Variants in GSG1L2 observed in about 807,000 individuals in gnomAD.
GSG1L2 encodes the protein GSG1 like 2, also known as germ cell-specific gene 1-like protein 2.
In GSG1L2, 15 loss-of-function variants were observed where a neutral mutation model predicts 9.0. The observed-to-expected ratio is 1.67, with a 90% CI of 1.12 to 2.57. The LOEUF (loss-of-function observed/expected upper bound fraction) is 2.57. GSG1L2 is among the 30% of genes most tolerant of loss of function. GSG1L2 has a pLI of 0.00. For missense variants in GSG1L2, 286 were observed against 150.3 expected, an observed-to-expected ratio of 1.90 and a Z score of -4.72; for synonymous variants, 127 against 57.9, an observed-to-expected ratio of 2.19 and a Z score of -5.41.
At position 9,809,158 on chromosome 17, in the gene GSG1L2, G is replaced by A. The variant is rs148723795; in HGVS notation, c.359-176C>T. The A allele has an allele frequency of 1.8e-3, 1,070 of 597,128 alleles. 2 individuals carry two copies. Among genetic ancestry groups the A allele is most frequent in the Middle Eastern group, 5.3e-3 (14 of 2,662 alleles). 37.0% of individuals were successfully genotyped at this position (597,128 alleles called of 1,614,324 possible). On this transcript the variant is annotated intron_variant, in intron 2 of 4. Coordinates refer to ENST00000399363, the MANE Select transcript of GSG1L2 (RefSeq NM_001310219.2). ...TGGCAATGGAAAGGCACTCCTCAGG[G>A]CTGAAAGAGACGGTTGTAGGGATTG...
At chr17:9,816,865 T>C (rs1225197519) in intron 1 of GSG1L2, among the ~76,000 whole-genome samples, 4 of 147,272 alleles carry the variant, frequency 2.7e-5, no homozygotes. Flanking sequence ...TCTGTATGTG[T>C]GTGTCTGTGT....
intron 2 of GSG1L2, chr17:9,809,492 G>A (rs1057073863): frequency 1.3e-5 from 2 of 157,314 alleles, no homozygotes; most frequent in African/African-American, 2.4e-5. Flanking sequence ...GGCTGTGGCG[G>A]GCTGGGGTGG....
Position 9,808,996 on chromosome 17 carries a change from G to T in GSG1L2, c.359-14C>A. Reference sequence around the variant, plus strand: ...GCCACAAAACACCTGCCAAAGAACGGGATGTTGGAAACGCTGGACACTTCT... The same window carrying T: ...GCCACAAAACACCTGCCAAAGAACGTGATGTTGGAAACGCTGGACACTTCT... On this transcript the variant is annotated splice_polypyrimidine_tract_variant and intron_variant, in intron 2 of 4. Coordinates refer to ENST00000399363, the MANE Select transcript of GSG1L2 (RefSeq NM_001310219.2). The T allele has an allele frequency of 2.8e-6, 2 of 702,864 alleles. No individual in the cohort carries two copies. Among genetic ancestry groups the T allele is most frequent in the Non-Finnish European group, 5.2e-6 (2 of 384,902 alleles). 43.5% of individuals were successfully genotyped at this position (702,864 alleles called of 1,614,324 possible). A position where few individuals can be genotyped will look rare whatever the true frequency, so the allele number is the denominator to read the frequency against.
At position 9,820,823 on chromosome 17, in the gene GSG1L2, TA is replaced by T. The variant is rs1567712439; in HGVS notation, c.310+938del. On this transcript the variant is annotated intron_variant, in intron 1 of 4. Coordinates refer to ENST00000399363, the MANE Select transcript of GSG1L2 (RefSeq NM_001310219.2). The surrounding 1 kb of genome is among the most constrained non-coding windows in gnomAD (Gnocchi z 4.9). ...ACCCCACCATGTCCAGCTAATTTTT[TA>T]AAAAAACCTTTTGTAAAGAGAGGTC... 6.6e-6 allele frequency among the ~76,000 whole-genome samples: 1 copy of T among 151,960 alleles called. No homozygotes were observed. The highest frequency in any genetic ancestry group is 2.4e-5 in the African/African-American group (1 of 41,382).
rs4791364 is a variant in GSG1L2, at chr17:9,820,576, T to G, written c.310+1186A>C. ...GGCACTGGCCTGGATACATGGGAGG[T>G]TCAGTCAGGCTGGGTACTGCCCCAC... On this transcript the variant is annotated intron_variant, in intron 1 of 4. Transcript: ENST00000399363. The surrounding 1 kb of genome is among the most constrained non-coding windows in gnomAD (Gnocchi z 4.9). Among the ~76,000 whole-genome samples, 114,632 of 151,888 alleles carry G rather than the reference T, an allele frequency of 0.75. 45,013 individuals are homozygous for G. Among genetic ancestry groups the G allele is most frequent in the East Asian group, 0.98 (5,076 of 5,168 alleles).
At chr17:9,804,418 G>A (rs930994678) in intron 4 of GSG1L2, 2 of 152,230 alleles carry the variant, frequency 1.3e-5, no homozygotes, top group Non-Finnish European at 2.9e-5. Flanking sequence ...CGGATTCAGA[G>A]ACAGCAGGCC....
At chr17:9,815,193 C>G (rs2066554786) in intron 1 of GSG1L2, among the ~76,000 whole-genome samples, 1 of 152,130 alleles carries the variant, frequency 6.6e-6, no homozygotes, top group South Asian at 2.1e-4. Flanking sequence ...GGAGACCATA[C>G]TTGGCCAACA....
rs189313748 is a variant in GSG1L2 at position 9,813,651 on chromosome 17, C to T, written c.311-3033G>A. ...TCAGTCCTCACACCCTGCTCTCTCT[C>T]GGAGAACTCGGGGGCTGATGCAGAG... is the stretch of plus-strand genomic sequence containing the variant. On this transcript the variant is annotated intron_variant, in intron 1 of 4. Coordinates refer to ENST00000399363, the MANE Select transcript of GSG1L2 (RefSeq NM_001310219.2). Among the ~76,000 whole-genome samples the T allele has an allele frequency of 2.5e-3, 379 of 152,320 alleles. 1 individual carries two copies. Among genetic ancestry groups the T allele is most frequent in the African/African-American group, 8.4e-3 (348 of 41,564 alleles).
intron 1 of GSG1L2, among the ~76,000 whole-genome samples, chr17:9,816,504 C>CTGTGTGTGCG (rs2066562018): frequency 1.1e-4 from 6 of 56,584 alleles, no homozygotes; most frequent in East Asian, 3.3e-3. Flanking sequence ...CTGTGTGTGC[C>CTGTGTGTGCG]TGTCTGTGTG....
intron 1 of GSG1L2, chr17:9,811,165 A>G (rs1451089326): frequency 1.3e-5 from 2 of 152,642 alleles, no homozygotes; most frequent in Non-Finnish European, 2.9e-5. Context: ...TGAATCTAAA[A>G]TAATTGGCTT....
intron 2 of GSG1L2, chr17:9,810,145 G>C (rs1314679110): frequency 1.1e-5 from 2 of 189,634 alleles, no homozygotes; most frequent in African/African-American, 4.7e-5. Context: ...CCAGCTGGGA[G>C]AACAGACACT....
At chr17:9,818,467 G>A (rs948013593) in intron 1 of GSG1L2, among the ~76,000 whole-genome samples, 3 of 148,108 alleles carry the variant, frequency 2.0e-5, no homozygotes, top group Admixed American at 1.4e-4. Context: ...CCAAGTAGCT[G>A]GGATTACAGG....
intron 2 of GSG1L2, chr17:9,809,216 G>A: frequency 1.0e-5 from 5 of 502,444 alleles, no homozygotes; most frequent in East Asian, 7.4e-5. Context: ...GGTGGGGGCG[G>A]GGAAACTAAG....
In GSG1L2 at chr17:9,820,805, C is replaced by A. The variant is rs1451817269; in HGVS notation, c.310+957G>T. 3.9e-5 allele frequency among the ~76,000 whole-genome samples: 6 copies of A among 152,064 alleles called. No homozygotes were observed. Among genetic ancestry groups the A allele is most frequent in the Non-Finnish European group, 8.8e-5 (6 of 68,014 alleles). ...AGCTGGGACCACAGGCACACCCCAC[C>A]ATGTCCAGCTAATTTTTTAAAAAAA... On this transcript the variant is annotated intron_variant, in intron 1 of 4. Transcript: ENST00000399363. The surrounding 1 kb of genome is among the most constrained non-coding windows in gnomAD (Gnocchi z 4.9).
At chr17:9,808,575 C>T (rs959035006) in intron 3 of GSG1L2, among the ~76,000 whole-genome samples, 1 of 152,194 alleles carries the variant, frequency 6.6e-6, no homozygotes, top group East Asian at 1.9e-4. Flanking sequence ...AGAGCCAGGG[C>T]ACCCTCTTCC....
At chr17:9,812,156 T>A (rs565418922) in intron 1 of GSG1L2, among the ~76,000 whole-genome samples, 1 of 152,322 alleles carries the variant, frequency 6.6e-6, no homozygotes, top group African/African-American at 2.4e-5. Flanking sequence ...GAACTATTAT[T>A]TATTTCCAGA....
intron 1 of GSG1L2, among the ~76,000 whole-genome samples, chr17:9,812,670 G>A (rs2066543862): frequency 6.6e-6 from 1 of 152,068 alleles, no homozygotes; most frequent in Non-Finnish European, 1.5e-5. Context: ...TGTCACCCAG[G>A]CTGGAGTGCA....
rs919310838 is a variant in GSG1L2 at position 9,806,682 on chromosome 17, C to G, written c.623+808G>C. 2.6e-5 allele frequency among the ~76,000 whole-genome samples: 4 copies of G among 152,230 alleles called. No individual in the cohort carries two copies. In the East Asian group the frequency reaches 7.7e-4, roughly 29 times the overall value. ...AGCCCTGCTGCAACTACACTCTCAA[C>G]TGTGTAAGGTGCCAGTGATAGCCCC... On this transcript the variant is annotated intron_variant, in intron 4 of 4. Transcript: ENST00000399363.
chr17:9,817,898 T>C (rs898932847), intron 1 of GSG1L2, among the ~76,000 whole-genome samples: 14 of 152,126 alleles, frequency 9.2e-5, no homozygotes, highest in Non-Finnish European at 1.0e-4. Flanking sequence ...TGCATTCTGA[T>C]GCAAATACCT....
Sources: allele counts gnomAD v4.1 joint callset (sites outside exome capture counted in the v4.1 genomes callset), GRCh38; gene constraint gnomAD v4.1.1; non-coding constraint Gnocchi (gnomAD v3.1); transcripts MANE v1.5; gene names NCBI Gene and HGNC (gene_info 2026-07-23, HGNC 2026-07-21).